RNF212B: variants seen among roughly 807,000 people sequenced by gnomAD.
RNF212B encodes the protein E3 ubiquitin-protein ligase RNF212B.
RNF212B carries 52 observed loss-of-function variants against 55.5 expected under a neutral mutation model. The observed-to-expected ratio is 0.94, with a 90% CI of 0.75 to 1.18. RNF212B has a LOEUF of 1.18. RNF212B is among the 50% of genes most tolerant of loss of function. RNF212B has a pLI of 0.00. For synonymous variants in RNF212B, 99 were observed against 121.4 expected, an observed-to-expected ratio of 0.82 and a Z score of 1.21; for missense variants, 289 against 350.4, an observed-to-expected ratio of 0.82 and a Z score of 1.40.
In RNF212B at chr14:23,225,285, T is replaced by A. The variant is rs143981703; in HGVS notation, c.-1-15060T>A. Among the ~76,000 whole-genome samples, 11 of 152,272 alleles carry A rather than the reference T, an allele frequency of 7.2e-5. No homozygotes were observed. The East Asian group carries it at 2.1e-3, about 29-fold the overall frequency. ...AACTAAAAATAGAGCTACCACATGATCCAGCAATCCCACTACTGGGTATAT... is the reference window on the plus strand; with the variant it reads ...AACTAAAAATAGAGCTACCACATGAACCAGCAATCCCACTACTGGGTATAT... On this transcript the variant is annotated intron_variant, in intron 2 of 15. Coordinates refer to the RNF212B transcript ENST00000399910.
intron 2 of RNF212B, among the ~76,000 whole-genome samples, chr14:23,208,886 G>A (rs1453565377): frequency 6.8e-6 from 1 of 146,130 alleles, no homozygotes; most frequent in Non-Finnish European, 1.5e-5. Flanking sequence ...AGCCCCCTGA[G>A]TAGTTGGGAC....
At position 23,203,893 on chromosome 14, in the gene RNF212B, C is replaced by A. The variant is rs189566665; in HGVS notation, c.-2+10492C>A. Among the ~76,000 whole-genome samples the A allele has an allele frequency of 3.2e-3, 491 of 152,290 alleles. 4 individuals carry two copies. The highest frequency in any genetic ancestry group is 0.011 in the African/African-American group (456 of 41,550). On this transcript the variant is annotated intron_variant, in intron 2 of 15. Coordinates refer to the RNF212B transcript ENST00000399910. Reference sequence around the variant, plus strand: ...ATCACCGTATCCATGCCAACATCTACAGTTTTTTGATTTTTTGATTATAGC... The same window carrying A: ...ATCACCGTATCCATGCCAACATCTAAAGTTTTTTGATTTTTTGATTATAGC...
chr14:23,264,021 G>A (rs1885496355), intron 9 of RNF212B, among the ~76,000 whole-genome samples, 153 bp from the exon 10 acceptor site: 2 of 152,208 alleles, frequency 1.3e-5, no homozygotes, highest in Non-Finnish European at 2.9e-5. Flanking sequence ...CCAGGATGCG[G>A]AGGCTGCAGT....
intron 10 of RNF212B, 86 bp downstream of exon 10, chr14:23,264,320 T>C: frequency 8.6e-7 from 1 of 1,161,862 alleles, no homozygotes; most frequent in South Asian, 1.4e-5. Context: ...AAATTTATAT[T>C]GGTTTTGGCA....
chr14:23,204,604 C>T (rs988387250), intron 2 of RNF212B, among the ~76,000 whole-genome samples: 1 of 152,142 alleles, frequency 6.6e-6, no homozygotes, highest in African/African-American at 2.4e-5. Flanking sequence ...ATACCAGTAC[C>T]ATGCTGTTTT....
At chr14:23,271,006 C>T (rs550760939) in intron 14 of RNF212B, among the ~76,000 whole-genome samples, 2 of 152,248 alleles carry the variant, frequency 1.3e-5, no homozygotes, top group South Asian at 2.1e-4. Flanking sequence ...AGGGGTACTA[C>T]TTGAACTAGG....
At chr14:23,205,878 T>C (rs974793145) in intron 2 of RNF212B, among the ~76,000 whole-genome samples, 2 of 152,236 alleles carry the variant, frequency 1.3e-5, no homozygotes, top group Non-Finnish European at 2.9e-5. Flanking sequence ...CCTGGGTTTA[T>C]AGTTTTGTAA....
chr14:23,215,488 G>A (rs75211252), intron 2 of RNF212B, among the ~76,000 whole-genome samples: 2,120 of 152,200 alleles, frequency 0.014, 47 homozygotes, highest in African/African-American at 0.049. Flanking sequence ...CTGGGTGACA[G>A]AGCAAGACTC....
At chr14:23,242,923 G>C (rs1351882781) in intron 2 of RNF212B, among the ~76,000 whole-genome samples, 1 of 151,894 alleles carries the variant, frequency 6.6e-6, no homozygotes, top group Non-Finnish European at 1.5e-5. Flanking sequence ...AGGCTGCAGT[G>C]AGCCATAATT....
chr14:23,228,020 C>T (rs943698795), intron 2 of RNF212B, among the ~76,000 whole-genome samples: 8 of 151,894 alleles, frequency 5.3e-5, no homozygotes, highest in Non-Finnish European at 8.8e-5. Context: ...CACCTGAGGT[C>T]GGGAGTTCAA....
intron 2 of RNF212B, among the ~76,000 whole-genome samples, chr14:23,217,197 A>G (rs1881162501): frequency 6.6e-6 from 1 of 151,564 alleles, no homozygotes; most frequent in Admixed American, 6.6e-5. Context: ...TTTTAAGTTA[A>G]CATCAGCAGT....
chr14:23,193,078 GAAAAACTCTGTCTAAAAAAAAAAAAAAAA>G (rs1878273390), intron 1 of RNF212B, among the ~76,000 whole-genome samples: 1 of 99,190 alleles, frequency 1.0e-5, no homozygotes, highest in East Asian at 3.6e-4. Context: ...GGCAACAAGA[GAAAAACTCTGTCTAAAAAAAAAAAAAAAA>G]AAAAAAAAAA....
At chr14:23,227,010 A>C (rs1448396674) in intron 2 of RNF212B, among the ~76,000 whole-genome samples, 1 of 151,934 alleles carries the variant, frequency 6.6e-6, no homozygotes, top group Non-Finnish European at 1.5e-5. Flanking sequence ...TTGTGAACAC[A>C]CACAAAAATG....
At chr14:23,187,199 C>T (rs1361705665) in intron 1 of RNF212B, among the ~76,000 whole-genome samples, 7 of 152,280 alleles carry the variant, frequency 4.6e-5, no homozygotes, top group African/African-American at 1.7e-4. Context: ...GATGAAAGGC[C>T]GTTTTCTTAC....
At chr14:23,234,986 G>A (rs1041258324), upstream of RNF212B, among the ~76,000 whole-genome samples, 11 of 152,246 alleles carry the variant, frequency 7.2e-5, no homozygotes, top group Admixed American at 5.9e-4. Flanking sequence ...GGCCGAGGCA[G>A]GTGGATCACG....
chr14:23,187,478 A>G (rs1877708281), intron 1 of RNF212B, among the ~76,000 whole-genome samples: 1 of 152,180 alleles, frequency 6.6e-6, no homozygotes, highest in African/African-American at 2.4e-5. Flanking sequence ...CCTCCCGAGT[A>G]GCTGGGACTA....
chr14:23,245,563 C>G (rs1233997535), intron 4 of RNF212B, among the ~76,000 whole-genome samples: 1 of 152,188 alleles, frequency 6.6e-6, no homozygotes, highest in East Asian at 1.9e-4. Flanking sequence ...AGTTAATCAT[C>G]ACTTTAGTGA....
chr14:23,264,559 G>A (rs1594949310), intron 10 of RNF212B, 64 bp from the exon 11 acceptor site: 1 of 1,093,410 alleles, frequency 9.1e-7, no homozygotes. Flanking sequence ...TAGATAAATA[G>A]GGAATAGGGA....
intron 2 of RNF212B, among the ~76,000 whole-genome samples, chr14:23,224,489 C>T (rs953329054): frequency 3.9e-5 from 6 of 152,214 alleles, no homozygotes; most frequent in Middle Eastern, 3.4e-3. Context: ...ATGCCAACAA[C>T]GTACACTGGG....
Sources: allele counts gnomAD v4.1 joint callset (sites outside exome capture counted in the v4.1 genomes callset), GRCh38; gene constraint gnomAD v4.1.1; transcripts MANE v1.5; gene names NCBI Gene and HGNC (gene_info 2026-07-23, HGNC 2026-07-21).